The following PIGB variants were observed in gnomAD, a reference collection of about 807,000 sequenced individuals.
PIGB encodes GPI alpha-1,2-mannosyltransferase 3.
In PIGB, 58 loss-of-function variants were observed where a neutral mutation model predicts 68.4. The observed-to-expected ratio is 0.85, with a 90% CI of 0.69 to 1.06. The LOEUF is 1.06. PIGB is among the 50% of genes least tolerant of loss of function. PIGB has a pLI of 0.00. For missense variants in PIGB, 634 were observed against 655.8 expected (o/e 0.97, Z 0.36); for synonymous variants, 219 against 220.5 (o/e 0.99, Z 0.06).
intron 3 of PIGB, among the ~76,000 whole-genome samples, chr15:55,326,155 C>T (rs1008323221): frequency 1.3e-5 from 2 of 151,516 alleles, no homozygotes; most frequent in African/African-American, 4.9e-5. Context: ...CGTGATCGTG[C>T]CACTGCACTC....
intron 9 of PIGB, among the ~76,000 whole-genome samples, chr15:55,348,018 C>T (rs1425198606): frequency 1.6e-5 from 2 of 122,336 alleles, no homozygotes; most frequent in African/African-American, 2.9e-5. Flanking sequence ...GAGACGACAT[C>T]TCGCTCTGTC....
At chr15:55,344,315 G>A (rs1213369888) in intron 9 of PIGB, among the ~76,000 whole-genome samples, 9 of 152,232 alleles carry the variant, frequency 5.9e-5, no homozygotes, top group Admixed American at 5.2e-4. Flanking sequence ...AGTCTTCTCA[G>A]CTCTTCTGAG....
rs2055675703 is a variant in PIGB, at chr15:55,341,725, G to T, written c.1059-13G>T. 1 of 1,223,852 alleles carries T rather than the reference G, an allele frequency of 8.2e-7. No homozygotes were observed. Among genetic ancestry groups the T allele is most frequent in the Non-Finnish European group, 1.1e-6 (1 of 897,312 alleles). 75.8% of individuals were successfully genotyped at this position (1,223,852 alleles called of 1,614,324 possible). A position where few individuals can be genotyped will look rare whatever the true frequency, so the allele number is the denominator to read the frequency against. On this transcript the variant is annotated splice_polypyrimidine_tract_variant and intron_variant, in intron 8 of 11. Coordinates refer to ENST00000164305, the MANE Select transcript of PIGB (RefSeq NM_004855.5). Reference sequence around the variant, plus strand: ...TAATTAATATTTTTTAATAATATTTGTTTTTATTACAGCATGTTGAGCCAC... The same window carrying T: ...TAATTAATATTTTTTAATAATATTTTTTTTTATTACAGCATGTTGAGCCAC...
intron 3 of PIGB, among the ~76,000 whole-genome samples, chr15:55,322,993 C>T (rs1004144442): frequency 1.3e-5 from 2 of 152,090 alleles, no homozygotes; most frequent in Admixed American, 1.3e-4. Context: ...CCTCCAAGAC[C>T]TATCCACTGC....
At chr15:55,337,199 C>CA (rs1249902143) in intron 6 of PIGB, among the ~76,000 whole-genome samples, 1 of 152,168 alleles carries the variant, frequency 6.6e-6, no homozygotes, top group Non-Finnish European at 1.5e-5. Context: ...TACATCCACC[C>CA]AAATGGCTAA....
intron 5 of PIGB, among the ~76,000 whole-genome samples, chr15:55,330,816 G>A (rs1401616503): frequency 2.6e-5 from 4 of 152,206 alleles, no homozygotes; most frequent in Non-Finnish European, 5.9e-5. Context: ...ACAAAAGGTT[G>A]TTAGGATGAT....
intron 3 of PIGB, among the ~76,000 whole-genome samples, chr15:55,322,962 A>G (rs548376014): frequency 3.3e-5 from 5 of 152,306 alleles, no homozygotes; most frequent in African/African-American, 1.2e-4. Flanking sequence ...AGAGGTCTTC[A>G]AGATAGAAAA....
chr15:55,321,212 A>C, intron 2 of PIGB, 61 bp from the exon 3 acceptor site: 1 of 1,449,054 alleles, frequency 6.9e-7, no homozygotes, highest in Non-Finnish European at 9.1e-7. Flanking sequence ...CATCTTAAAA[A>C]AAAAAAAAAC....
Position 55,350,895 on chromosome 15 carries a change from C to G in PIGB, c.1320C>G (p.His440Gln). The change falls in exon 10 of 12, where the codon CAC becomes CAG. Residue 440 changes from histidine (H) to glutamine (Q), a missense_variant. Transcript: ENST00000164305. ...SASIFIMMPC[H>Q]STPYYSHVHC... is the part of the protein sequence containing the mutation. ...CAATATTTATAATGATGCCTTGCCA[C>G]TCTACTCCTTATTACAGGTAATAAA... 1.3e-6 allele frequency: 2 copies of G among 1,575,630 alleles called. No homozygotes were observed. The highest frequency in any genetic ancestry group is 1.7e-6 in the Non-Finnish European group (2 of 1,146,008).
At chr15:55,320,086 T>C in intron 1 of PIGB, 189 bp from the exon 2 acceptor site, 1 of 431,822 alleles carries the variant, frequency 2.3e-6, no homozygotes, top group Admixed American at 4.0e-5. Context: ...ACTAAAAGAG[T>C]GGCAGTCACC....
Position 55,331,612 on chromosome 15 carries a change from A to T in PIGB, c.653+1758A>T, listed in dbSNP as rs560492537. 1.8e-4 allele frequency among the ~76,000 whole-genome samples: 28 copies of T among 152,024 alleles called. No individual in the cohort carries two copies. In the East Asian group the frequency reaches 5.3e-3, roughly 29 times the overall value. ...CCTATAATCCCAGCTACTCGGGAGG[A>T]TGAGACAGGAGAATCACTTGAACCC... On this transcript the variant is annotated intron_variant, in intron 5 of 11. Coordinates refer to ENST00000164305, the MANE Select transcript of PIGB (RefSeq NM_004855.5).
intron 7 of PIGB, 59 bp from the exon 8 acceptor site, chr15:55,340,553 C>T: frequency 8.8e-7 from 1 of 1,138,958 alleles, no homozygotes; most frequent in Non-Finnish European, 1.3e-6. Context: ...TCCCCTAATG[C>T]CAAAGATTAC....
intron 9 of PIGB, among the ~76,000 whole-genome samples, chr15:55,342,447 G>C (rs896970546): frequency 6.6e-6 from 1 of 152,202 alleles, no homozygotes; most frequent in African/African-American, 2.4e-5. Context: ...CTGGAGTGCA[G>C]TGGCACGATC....
chr15:55,326,880 G>T (rs1360420187), intron 3 of PIGB, among the ~76,000 whole-genome samples: 2 of 150,516 alleles, frequency 1.3e-5, no homozygotes, highest in African/African-American at 4.9e-5. Context: ...TTAAATGACT[G>T]GCTATTAATA....
chr15:55,345,812 G>A (rs771068665), intron 9 of PIGB, among the ~76,000 whole-genome samples: 6 of 152,058 alleles, frequency 3.9e-5, no homozygotes, highest in Non-Finnish European at 8.8e-5. Context: ...CCCTCATTAT[G>A]GTTAGTAGTT....
chr15:55,342,550 C>G (rs1011159834), intron 9 of PIGB, among the ~76,000 whole-genome samples: 2 of 152,120 alleles, frequency 1.3e-5, no homozygotes, highest in Non-Finnish European at 2.9e-5. Flanking sequence ...CGCCACCATA[C>G]CCGGCTAATT....
chr15:55,340,707 A>G lies in PIGB; in HGVS notation c.942A>G (p.Gln314=). The G allele has an allele frequency of 6.2e-7, 1 of 1,611,796 alleles. No individual in the cohort carries two copies. Among genetic ancestry groups the G allele is most frequent in the Non-Finnish European group, 8.5e-7 (1 of 1,178,450 alleles). ...ATCCATGGCACTGGTACTTCAGTCAAGGATTTCCAGTTATCTTGGGTACTC... is the reference window on the plus strand; with the variant it reads ...ATCCATGGCACTGGTACTTCAGTCAGGGATTTCCAGTTATCTTGGGTACTC... ...GSHPWHWYFS[Q]GFPVILGTHL... Residue 314 remains glutamine (Q), a synonymous_variant, in exon 8 of 12, where the codon CAA becomes CAG. Transcript: ENST00000164305.
Position 55,354,844 on chromosome 15 carries a change from G to A in PIGB, c.1384G>A (p.Asp462Asn), listed in dbSNP as rs2141230578. The A allele has an allele frequency of 6.2e-7, 1 of 1,613,824 alleles. No individual in the cohort carries two copies. Among genetic ancestry groups the A allele is most frequent in the Non-Finnish European group, 8.5e-7 (1 of 1,179,798 alleles). ...CATGAGATTTCTCCAGTGCCCGCCA[G>A]ACCTGACTGGAAAAAGTCATTATCT... ...LPMRFLQCPPDLTGKSHYLDE... is the reference protein window; with the variant it reads ...LPMRFLQCPPNLTGKSHYLDE... The change falls in exon 11 of 12, where the codon GAC (aspartate) becomes AAC (asparagine). Residue 462 changes from aspartate (D) to asparagine (N), a missense_variant. Asp to Asn is a conservative substitution (Grantham distance 23). Transcript: ENST00000164305.
chr15:55,350,938 C>T, intron 10 of PIGB, 26 bp downstream of exon 10: 1 of 1,228,942 alleles, frequency 8.1e-7, no homozygotes, highest in Non-Finnish European at 1.2e-6. Flanking sequence ...CCACTATATG[C>T]TGTTAAGAAA....
Sources: allele counts gnomAD v4.1 joint callset (sites outside exome capture counted in the v4.1 genomes callset), GRCh38; gene constraint gnomAD v4.1.1; transcripts MANE v1.5; gene names NCBI Gene and HGNC (gene_info 2026-07-23, HGNC 2026-07-21).